CLN5: variants seen among roughly 807,000 people sequenced by gnomAD.
The protein encoded by CLN5 is CLN5 lysosomal BMP synthase.
In CLN5, 34 loss-of-function variants were observed where a neutral mutation model predicts 36.7. That is an observed-to-expected ratio of 0.93 (90% CI 0.71 to 1.23). The LOEUF (loss-of-function observed/expected upper bound fraction) is 1.23, where lower values mean the gene tolerates loss of function less well. Ranked by LOEUF, CLN5 falls within the 50% of genes most tolerant of loss-of-function variation. CLN5 has a pLI of 0.00. For missense variants in CLN5, 427 were observed against 439.4 expected (o/e 0.97, Z 0.25); for synonymous variants, 151 against 155.1 (o/e 0.97, Z 0.20).
chr13:76,995,827 C>T (rs1327682673), intron 2 of CLN5, 75 bp from the exon 3 acceptor site: 7 of 1,067,304 alleles, frequency 6.6e-6, no homozygotes, highest in African/African-American at 4.7e-5. Context: ...TGATGTGCCA[C>T]ATTTTCTCCT....
rs2034426624 is a variant in CLN5 at position 77,005,036 on chromosome 13, T to C, written c.*4067T>C. The C allele has an allele frequency of 6.6e-6, 1 of 152,252 alleles. No homozygotes were observed. The highest frequency in any genetic ancestry group is 1.5e-5 in the Non-Finnish European group (1 of 67,996). The allele number at this position is 152,252 out of a possible 1,614,324, so 9.4% of individuals were successfully genotyped here. A position where few individuals can be genotyped will look rare whatever the true frequency, so the allele number is the denominator to read the frequency against. ...GAACCTATTATTTTCTGTATAAAAA[T>C]TTAAAAATTTATATTTCATGGTAGG... is the stretch of plus-strand genomic sequence containing the variant. On this transcript the variant is annotated 3_prime_UTR_variant, in exon 4 of 4. Coordinates refer to ENST00000377453, the MANE Select transcript of CLN5 (RefSeq NM_006493.4).
intron 2 of CLN5, 143 bp from the exon 3 acceptor site, chr13:76,995,759 T>A: frequency 1.4e-6 from 1 of 731,038 alleles, no homozygotes. Context: ...ACAGAGTGGA[T>A]ATGACAGTAG....
chr13:76,999,717 G>A (rs1451696054), intron 3 of CLN5: 2 of 152,188 alleles, frequency 1.3e-5, no homozygotes, highest in Non-Finnish European at 2.9e-5. Context: ...TCCTTACACT[G>A]TCTTTGCCCA....
chr13:77,002,768 G>C lies in CLN5; in HGVS notation c.*1799G>C, dbSNP rs1460483632. On this transcript the variant is annotated 3_prime_UTR_variant, in exon 4 of 4. Transcript: ENST00000377453. ...CAATGTTACAAGAAAACTTGGATCT[G>C]TGCATTATCACCATCTAGTGGCTAA... 1 of 152,072 alleles carries C rather than the reference G, an allele frequency of 6.6e-6. No individual in the cohort carries two copies. Among genetic ancestry groups the C allele is most frequent in the Non-Finnish European group, 1.5e-5 (1 of 68,000 alleles). The allele number at this position is 152,072 out of a possible 1,614,324, so 9.4% of individuals were successfully genotyped here.
At chr13:76,996,297 T>G (rs1263959495) in intron 3 of CLN5, 170 bp downstream of exon 3, 1 of 607,076 alleles carries the variant, frequency 1.6e-6, no homozygotes, top group Non-Finnish European at 2.9e-6. Flanking sequence ...TTATTTGTAT[T>G]TTTTATTTAT....
rs1391216536 is a variant in CLN5 at position 77,001,790 on chromosome 13, A to G, written c.*821A>G. The G allele has an allele frequency of 2.0e-5, 3 of 152,240 alleles. No individual in the cohort carries two copies. Among genetic ancestry groups the G allele is most frequent in the South Asian group, 4.1e-4 (2 of 4,832 alleles). 9.4% of individuals were successfully genotyped at this position (152,240 alleles called of 1,614,324 possible). Reference sequence around the variant, plus strand: ...GTCACCTAGATTTTAAGCTGATAGCATAGTGCTTCAGCGGTTCTTCTAACC... The same window carrying G: ...GTCACCTAGATTTTAAGCTGATAGCGTAGTGCTTCAGCGGTTCTTCTAACC... On this transcript the variant is annotated 3_prime_UTR_variant, in exon 4 of 4. Transcript: ENST00000377453.
At chr13:76,992,297 CG>C in intron 1 of CLN5, 26 bp downstream of exon 1, 2 of 1,177,304 alleles carry the variant, frequency 1.7e-6, no homozygotes, top group Non-Finnish European at 2.3e-6. Flanking sequence ...CGCGCACTGT[CG>C]GGGTTGGGGT....
chr13:76,994,888 C>A, intron 1 of CLN5, 175 bp from the exon 2 acceptor site: 1 of 589,780 alleles, frequency 1.7e-6, no homozygotes, highest in Non-Finnish European at 2.9e-6. Flanking sequence ...TTATCATTTG[C>A]TATTAAAAAC....
In CLN5 at chr13:77,000,901, C is replaced by G. The variant is rs1321520247; in HGVS notation, c.1009C>G (p.Pro337Ala). Residue 337 changes from proline to alanine, a missense_variant, in exon 4 of 4, where the codon CCT becomes GCT. Physicochemically the swap from Pro to Ala is conservative, Grantham distance 27. Coordinates refer to ENST00000377453, the MANE Select transcript of CLN5 (RefSeq NM_006493.4). ...ATATTGGTTTTTACCTATGAAATTC[C>G]CTTTTATTAAAATAACATATGAAGA... is the stretch of plus-strand genomic sequence containing the variant. ...FEYWFLPMKF[P>A]FIKITYEEIP... The G allele has an allele frequency of 6.3e-7, 1 of 1,592,704 alleles. No individual in the cohort carries two copies. The highest frequency in any genetic ancestry group is 2.2e-5 in the East Asian group (1 of 44,750).
chr13:76,992,154 C>A lies in CLN5; in HGVS notation c.56C>A (p.Ala19Glu). The change falls in exon 1 of 4, where the codon GCG becomes GAG. Residue 19 changes from alanine to glutamate, a missense_variant. Ala to Glu is a moderately radical substitution (Grantham distance 107). Coordinates refer to ENST00000377453, the MANE Select transcript of CLN5 (RefSeq NM_006493.4). ...GCCGAGATGCGGCGGGGCGCGGGCG[C>A]GGCTCGGGGACGCGCTTCCTGGTGC... ...QGAEMRRGAG[A>E]ARGRASWCWA... is the part of the protein sequence containing the mutation. 6.2e-7 allele frequency: 1 copy of A among 1,606,016 alleles called. No individual in the cohort carries two copies. The highest frequency in any genetic ancestry group is 8.5e-7 in the Non-Finnish European group (1 of 1,177,546).
In CLN5 at chr13:77,004,291, A is replaced by G. The variant is rs1464350167; in HGVS notation, c.*3322A>G. On this transcript the variant is annotated 3_prime_UTR_variant, in exon 4 of 4. Transcript: ENST00000377453. The stretch of plus-strand genomic sequence containing the variant: ...TAAATAGTTGGCAGGCTATACAAAG[A>G]GTGATGTTCCAAAACTACACACATG... 6.6e-6 allele frequency: 1 copy of G among 152,214 alleles called. No individual in the cohort carries two copies. Among genetic ancestry groups the G allele is most frequent in the African/African-American group, 2.4e-5 (1 of 41,454 alleles). 9.4% of individuals were successfully genotyped at this position (152,214 alleles called of 1,614,324 possible). A position where few individuals can be genotyped will look rare whatever the true frequency, so the allele number is the denominator to read the frequency against.
At chr13:76,993,124 A>G (rs2034208585) in intron 1 of CLN5, 1 of 152,218 alleles carries the variant, frequency 6.6e-6, no homozygotes, top group Non-Finnish European at 1.5e-5. Context: ...AAAAACAGCT[A>G]TTTTGTATGA....
At position 76,995,687 on chromosome 13, in the gene CLN5, A is replaced by ATG. The variant is rs2034252801; in HGVS notation, c.340-214_340-213dup. On this transcript the variant is annotated intron_variant, in intron 2 of 3. Coordinates refer to ENST00000377453, the MANE Select transcript of CLN5 (RefSeq NM_006493.4). ...ATAACATGCAGGCCTCCTATTTGAG[A>ATG]TGAGCCAAATAGGGGTGTAGTGGCC... is the stretch of plus-strand genomic sequence containing the variant. 5 of 605,390 alleles carry ATG rather than the reference A, an allele frequency of 8.3e-6. No homozygotes were observed. The South Asian group carries it at 9.7e-5, about 12-fold the overall frequency. The allele number at this position is 605,390 out of a possible 1,614,324, so 37.5% of individuals were successfully genotyped here.
rs1157501178 is a variant in CLN5, at chr13:77,002,208, CTTAATCATAGA to C, written c.*1241_*1251del. 11 of 152,328 alleles carry C rather than the reference CTTAATCATAGA, an allele frequency of 7.2e-5. No individual in the cohort carries two copies. The highest frequency in any genetic ancestry group is 5.2e-4 in the Admixed American group (8 of 15,290). 9.4% of individuals were successfully genotyped at this position (152,328 alleles called of 1,614,324 possible). On this transcript the variant is annotated 3_prime_UTR_variant, in exon 4 of 4. Transcript: ENST00000377453. ...ATTATTATTGAGCTCTCACAGAAAG[CTTAATCATAGA>C]TATAATTAACCTGATCCAAATGAGT...
chr13:76,994,995 T>C lies in CLN5; in HGVS notation c.174-68T>C, dbSNP rs978349607. ...TGGTCCCCTAAAAATGTTACTGGAT[T>C]CTAAAAGACGTGAGAAGAATCAGAT... is the stretch of plus-strand genomic sequence containing the variant. On this transcript the variant is annotated intron_variant, in intron 1 of 3. Transcript: ENST00000377453. The C allele has an allele frequency of 2.8e-5, 42 of 1,484,064 alleles. No individual in the cohort carries two copies. The Admixed American group carries it at 5.9e-4, about 21-fold the overall frequency. 91.9% of individuals were successfully genotyped at this position (1,484,064 alleles called of 1,614,324 possible).
At position 77,003,149 on chromosome 13, in the gene CLN5, A is replaced by T. The variant is rs1189711375; in HGVS notation, c.*2180A>T. Reference sequence around the variant, plus strand: ...GTGAAACCCCGTTTCTCCTAAAATTAAAAAAAAAAAAAAAAAGCTAGGGGT... The same window carrying T: ...GTGAAACCCCGTTTCTCCTAAAATTTAAAAAAAAAAAAAAAAGCTAGGGGT... On this transcript the variant is annotated 3_prime_UTR_variant, in exon 4 of 4. Transcript: ENST00000377453. The T allele has an allele frequency of 4.1e-5, 4 of 96,394 alleles. No homozygotes were observed. Among genetic ancestry groups the T allele is most frequent in the African/African-American group, 2.7e-4 (2 of 7,334 alleles). 6.0% of individuals were successfully genotyped at this position (96,394 alleles called of 1,614,324 possible).
At chr13:77,000,132 G>A (rs1235092053) in intron 3 of CLN5, 1 of 156,058 alleles carries the variant, frequency 6.4e-6, no homozygotes, top group East Asian at 1.8e-4. Context: ...TGCTGAAGCA[G>A]GAGGATCACT....
In CLN5 at chr13:76,995,096, T is replaced by C. The variant is rs764103764; in HGVS notation, c.207T>C (p.Tyr69=). 6 of 1,614,010 alleles carry C rather than the reference T, an allele frequency of 3.7e-6. No individual in the cohort carries two copies. The Admixed American group carries it at 5.0e-5, about 13-fold the overall frequency. The change falls in exon 2 of 4, where the codon TAT becomes TAC. Residue 69 remains tyrosine, a synonymous_variant. Coordinates refer to ENST00000377453, the MANE Select transcript of CLN5 (RefSeq NM_006493.4). Reference sequence around the variant, plus strand: ...ACTTCCGTCCAAAACCTGATCCTTATTGTCAAGCTAAGTATACTTTCTGTC... The same window carrying C: ...ACTTCCGTCCAAAACCTGATCCTTACTGTCAAGCTAAGTATACTTTCTGTC... The part of the protein sequence containing the change: ...RFDFRPKPDP[Y]CQAKYTFCPT...
intron 2 of CLN5, 166 bp from the exon 3 acceptor site, chr13:76,995,736 G>T (rs2034253626): frequency 4.4e-6 from 3 of 681,590 alleles, no homozygotes; most frequent in Middle Eastern, 2.7e-4. Flanking sequence ...ATGAGGGCCT[G>T]GAGTTTGGGG....
Sources: gnomAD v4.1 joint callset for allele counts on GRCh38, gnomAD v4.1.1 for gene constraint, MANE v1.5 for transcripts, NCBI Gene and HGNC (gene_info 2026-07-23, HGNC 2026-07-21) for gene names.